The following ZBTB20 variants were observed in gnomAD, a reference collection of about 807,000 sequenced individuals.
ZBTB20 encodes zinc finger and BTB domain-containing protein 20.
ZBTB20 carries 9 observed loss-of-function variants against 56.9 expected under a neutral mutation model. The ratio of observed to expected loss-of-function variants is 0.16; its 90% CI spans 0.10 to 0.28. ZBTB20 has a LOEUF of 0.28. Ranked by LOEUF, ZBTB20 falls within the 10% of genes least tolerant of loss-of-function variation. The pLI is 1.00. For synonymous variants in ZBTB20, 417 were observed against 420.7 expected (o/e 0.99, Z 0.11); for missense variants, 655 against 1,003.0 (o/e 0.65, Z 4.69).
chr3:114,700,698 G>T (rs1358271289), intron 5 of ZBTB20, among the ~76,000 whole-genome samples: 1 of 152,100 alleles, frequency 6.6e-6, no homozygotes, highest in Non-Finnish European at 1.5e-5. Context: ...AAAAAAGTCA[G>T]AAAGACCTGC....
At chr3:114,726,701 A>G (rs544419402) in intron 5 of ZBTB20, among the ~76,000 whole-genome samples, 1 of 152,138 alleles carries the variant, frequency 6.6e-6, no homozygotes, top group Admixed American at 6.5e-5. Flanking sequence ...TCACGAGGTC[A>G]GGAAATCATG....
chr3:115,025,278 C>T (rs763421593), intron 2 of ZBTB20, among the ~76,000 whole-genome samples: 3 of 151,326 alleles, frequency 2.0e-5, no homozygotes, highest in Admixed American at 6.6e-5. Context: ...AGAACACGAT[C>T]GCATTCTTTT....
intron 1 of ZBTB20, among the ~76,000 whole-genome samples, chr3:115,115,199 A>G (rs1459758507): frequency 6.6e-6 from 1 of 152,110 alleles, no homozygotes; most frequent in East Asian, 1.9e-4. Flanking sequence ...TTATTTGTTA[A>G]AATAGCTTGT....
At chr3:114,810,962 A>G (rs1394322535) in intron 4 of ZBTB20, among the ~76,000 whole-genome samples, 1 of 152,188 alleles carries the variant, frequency 6.6e-6, no homozygotes, top group Non-Finnish European at 1.5e-5. Flanking sequence ...TATAGGGATA[A>G]GGTTACCAAA....
chr3:114,378,801 C>T (rs2733423), intron 10 of ZBTB20, among the ~76,000 whole-genome samples: 67,922 of 152,138 alleles, frequency 0.45, 15,481 homozygotes, highest in South Asian at 0.46. Context: ...TACTATTACA[C>T]TGAAGATTGC....
At chr3:114,884,880 C>A (rs1201223359) in intron 4 of ZBTB20, among the ~76,000 whole-genome samples, 2 of 152,046 alleles carry the variant, frequency 1.3e-5, no homozygotes, top group Non-Finnish European at 2.9e-5. Flanking sequence ...GCTCAAAAAC[C>A]CCTGTAGCTC....
chr3:115,047,411 G>A (rs576975014), intron 2 of ZBTB20, among the ~76,000 whole-genome samples: 42 of 152,306 alleles, frequency 2.8e-4, no homozygotes, highest in Non-Finnish European at 5.6e-4. Flanking sequence ...TGCTTCTTAA[G>A]CTGATTGTAC....
At chr3:114,714,997 T>C (rs2064364217) in intron 5 of ZBTB20, among the ~76,000 whole-genome samples, 1 of 152,160 alleles carries the variant, frequency 6.6e-6, no homozygotes. Context: ...TTCTCCCCTT[T>C]AGGCAACAAT....
intron 1 of ZBTB20, among the ~76,000 whole-genome samples, chr3:115,084,363 C>A (rs1172250918): frequency 6.7e-6 from 1 of 150,010 alleles, no homozygotes; most frequent in Non-Finnish European, 1.5e-5. Flanking sequence ...TTGCCTGTCT[C>A]ATAACACAAT....
chr3:114,544,990 G>C (rs1321729356), intron 6 of ZBTB20, among the ~76,000 whole-genome samples: 2 of 152,130 alleles, frequency 1.3e-5, no homozygotes, highest in African/African-American at 4.8e-5. Flanking sequence ...AAGAAACTCT[G>C]TCAGAAAACT....
intron 6 of ZBTB20, among the ~76,000 whole-genome samples, chr3:114,643,041 G>A (rs1205201614): frequency 6.6e-6 from 1 of 151,930 alleles, no homozygotes; most frequent in Non-Finnish European, 1.5e-5. Flanking sequence ...GAAATTCAAG[G>A]AAAAAAATAT....
At chr3:114,921,004 A>C (rs1440045109) in intron 3 of ZBTB20, among the ~76,000 whole-genome samples, 1 of 152,248 alleles carries the variant, frequency 6.6e-6, no homozygotes, top group Non-Finnish European at 1.5e-5. Context: ...ATAAGTTCCT[A>C]GAAACATATA....
chr3:115,024,938 AT>A (rs1010496930), intron 2 of ZBTB20, among the ~76,000 whole-genome samples: 2 of 151,126 alleles, frequency 1.3e-5, no homozygotes, highest in Admixed American at 1.3e-4. Context: ...AATTTGCCTT[AT>A]TCTTTCTTTA....
chr3:114,741,875 T>TAAAAAAAAAAAA (rs554920594), intron 5 of ZBTB20, among the ~76,000 whole-genome samples: 1 of 100,482 alleles, frequency 1.0e-5, no homozygotes. Context: ...AGCAAGACTG[T>TAAAAAAAAAAAA]AAAAAAAAAA....
chr3:114,471,788 G>T (rs974619144), intron 7 of ZBTB20, among the ~76,000 whole-genome samples: 2 of 152,192 alleles, frequency 1.3e-5, no homozygotes, highest in African/African-American at 4.8e-5. Context: ...ACAGGGGAAA[G>T]AAACTCAGTT....
intron 6 of ZBTB20, among the ~76,000 whole-genome samples, chr3:114,601,217 C>A (rs1378567725): frequency 6.6e-6 from 1 of 152,040 alleles, no homozygotes; most frequent in Non-Finnish European, 1.5e-5. Context: ...ACAGTCTACA[C>A]CCTTATGATA....
intron 4 of ZBTB20, among the ~76,000 whole-genome samples, chr3:114,801,478 T>C (rs139993827): frequency 8.8e-4 from 133 of 151,652 alleles, no homozygotes; most frequent in African/African-American, 3.0e-3. Flanking sequence ...AAACTCAATG[T>C]TTCTGAATTT....
chr3:114,914,270 GT>G (rs1039571332), intron 3 of ZBTB20, among the ~76,000 whole-genome samples: 1 of 151,724 alleles, frequency 6.6e-6, no homozygotes, highest in African/African-American at 2.4e-5. Context: ...ATCTTTTATA[GT>G]TTTTATTGTA....
chr3:114,973,465 A>C (rs531312914), intron 3 of ZBTB20, among the ~76,000 whole-genome samples: 15 of 152,292 alleles, frequency 9.8e-5, no homozygotes, highest in African/African-American at 3.4e-4. Context: ...TTTTTAAAAA[A>C]TGTTATAAAG....
Sources: gnomAD v4.1 joint callset for allele counts (sites outside exome capture counted in the v4.1 genomes callset) on GRCh38, gnomAD v4.1.1 for gene constraint, MANE v1.5 for transcripts, NCBI Gene and HGNC (gene_info 2026-07-23, HGNC 2026-07-21) for gene names.